ZNF362: variants seen among roughly 807,000 people sequenced by gnomAD.
ZNF362 encodes rotund homolog.
ZNF362 carries 11 observed loss-of-function variants against 42.9 expected under a neutral mutation model. The ratio of observed to expected loss-of-function variants is 0.26; its 90% confidence interval spans 0.16 to 0.42. The LOEUF (loss-of-function observed/expected upper bound fraction) is 0.42. Ranked by LOEUF, ZNF362 falls within the 20% of genes least tolerant of loss-of-function variation. The pLI, the probability that ZNF362 is intolerant of heterozygous loss-of-function variation, is 1.00. For synonymous variants in ZNF362, 255 were observed against 257.3 expected, an observed-to-expected ratio of 0.99 and a Z score of 0.09; for missense variants, 362 against 576.2, an observed-to-expected ratio of 0.63 and a Z score of 3.81.
chr1:33,172,342 GGT>G, the ZNF362 span, among the ~76,000 whole-genome samples: 4 of 152,170 alleles, frequency 2.6e-5, no homozygotes, highest in Admixed American at 2.6e-4. Context: ...GGGCATTGCA[GGT>G]GGGGAGAACA....
chr1:33,259,796 GTC>G (rs1160820617), intron 1 of ZNF362, among the ~76,000 whole-genome samples: 1 of 152,218 alleles, frequency 6.6e-6, no homozygotes, highest in African/African-American at 2.4e-5. Context: ...CCCAGGGGAG[GTC>G]TCTCAGAGAA....
the ZNF362 span, among the ~76,000 whole-genome samples, chr1:33,168,117 G>A: frequency 3.9e-5 from 6 of 152,312 alleles, no homozygotes; most frequent in South Asian, 8.3e-4. Context: ...CTTCTCTGAG[G>A]AGGTGACAGC....
At chr1:33,175,610 G>A in the ZNF362 span, among the ~76,000 whole-genome samples, 1 of 152,146 alleles carries the variant, frequency 6.6e-6, no homozygotes. Flanking sequence ...TTGGGAAGGA[G>A]GGTGAATTCT....
intron 2 of ZNF362, among the ~76,000 whole-genome samples, chr1:33,272,424 T>C (rs1201159386): frequency 6.6e-6 from 1 of 152,160 alleles, no homozygotes; most frequent in Non-Finnish European, 1.5e-5. Flanking sequence ...GATTGATAGA[T>C]GGGCCAGCTG....
At position 33,300,303 on chromosome 1, in the gene ZNF362, G is replaced by A. The variant is rs1646157924; in HGVS notation, c.*1257G>A. On this transcript the variant is annotated 3_prime_UTR_variant, in exon 9 of 9. Coordinates refer to ENST00000539719, the MANE Select transcript of ZNF362 (RefSeq NM_152493.3). ...GTTTCCTGGGGTTTCTTTGCCCATG[G>A]GGTTCTCTGCCCCCACCCCCGGCCC... 1.3e-5 allele frequency: 2 copies of A among 152,370 alleles called. No homozygotes were observed. Among genetic ancestry groups the A allele is most frequent in the Admixed American group, 1.3e-4 (2 of 15,242 alleles). The allele number at this position is 152,370 out of a possible 1,614,324, so 9.4% of individuals were successfully genotyped here. A position where few individuals can be genotyped will look rare whatever the true frequency, so the allele number is the denominator to read the frequency against.
intron 1 of ZNF362, among the ~76,000 whole-genome samples, chr1:33,256,996 G>A (rs957701116): frequency 3.3e-5 from 5 of 152,230 alleles, no homozygotes; most frequent in Middle Eastern, 6.8e-3. Flanking sequence ...GGTAAACAAT[G>A]ATTCATGGGG....
intron 2 of ZNF362, among the ~76,000 whole-genome samples, chr1:33,275,890 T>G (rs1397262170): frequency 2.7e-5 from 4 of 147,134 alleles, no homozygotes; most frequent in Non-Finnish European, 4.5e-5. Flanking sequence ...TAAGGGGGGG[T>G]GGTGGGGGTG....
Position 33,270,763 on chromosome 1 carries a change from G to T in ZNF362, c.38+151G>T, listed in dbSNP as rs757261875. The T allele has an allele frequency of 6.0e-5, 86 of 1,426,164 alleles. No individual in the cohort carries two copies. In the Admixed American group the frequency reaches 8.7e-4, roughly 14 times the overall value. 88.3% of individuals were successfully genotyped at this position (1,426,164 alleles called of 1,614,324 possible). Reference sequence around the variant, plus strand: ...GGAGGTGTGTGCTTACCCTCCTGTAGCGGCCTCCTGTGTCGTGGTGGCTGT... The same window carrying T: ...GGAGGTGTGTGCTTACCCTCCTGTATCGGCCTCCTGTGTCGTGGTGGCTGT... On this transcript the variant is annotated intron_variant, in intron 2 of 8. Coordinates refer to ENST00000539719, the MANE Select transcript of ZNF362 (RefSeq NM_152493.3).
the ZNF362 span, among the ~76,000 whole-genome samples, chr1:33,170,159 G>A: frequency 6.6e-6 from 1 of 151,944 alleles, no homozygotes; most frequent in Non-Finnish European, 1.5e-5. Context: ...GCAAAACCCC[G>A]TCTCTACTAA....
chr1:33,222,781 G>A, the ZNF362 span, among the ~76,000 whole-genome samples: 3 of 152,068 alleles, frequency 2.0e-5, no homozygotes, highest in African/African-American at 7.2e-5. Context: ...TCTCATAGAG[G>A]CCTTCTTTGA....
chr1:33,161,137 G>C, the ZNF362 span, among the ~76,000 whole-genome samples: 2 of 152,204 alleles, frequency 1.3e-5, no homozygotes, highest in Non-Finnish European at 1.5e-5. The surrounding 1 kb of genome is among the most constrained non-coding windows in gnomAD (Gnocchi z 4.3). Context: ...AAATGAGGGG[G>C]TGTTGTTGTG....
At chr1:33,144,106 T>C in the ZNF362 span, among the ~76,000 whole-genome samples, 3 of 151,352 alleles carry the variant, frequency 2.0e-5, no homozygotes, top group Non-Finnish European at 4.4e-5. Flanking sequence ...ATGCAAACGT[T>C]GATATATGAT....
the ZNF362 span, among the ~76,000 whole-genome samples, chr1:33,219,175 G>T: frequency 6.6e-6 from 1 of 152,132 alleles, no homozygotes; most frequent in Admixed American, 6.5e-5. Context: ...CCTGGCTGGG[G>T]GCTGGGTGTG....
the ZNF362 span, among the ~76,000 whole-genome samples, chr1:33,144,247 C>T: frequency 5.9e-5 from 9 of 151,960 alleles, no homozygotes; most frequent in Admixed American, 5.9e-4. Flanking sequence ...AAGAGATTCT[C>T]CTGCCTCAGC....
the ZNF362 span, among the ~76,000 whole-genome samples, chr1:33,135,916 G>A: frequency 6.6e-6 from 1 of 152,154 alleles, no homozygotes; most frequent in African/African-American, 2.4e-5. Context: ...GCACAGTGAG[G>A]GGTCCCCAGG....
At chr1:33,200,133 T>C in the ZNF362 span, 1 of 152,238 alleles carries the variant, frequency 6.6e-6, no homozygotes, top group African/African-American at 2.4e-5. Context: ...ATAAGGGTCA[T>C]ATTCTGTTTG....
chr1:33,137,245 C>T, the ZNF362 span, among the ~76,000 whole-genome samples: 1 of 152,288 alleles, frequency 6.6e-6, no homozygotes, highest in Admixed American at 6.5e-5. Context: ...GGGAGTCACA[C>T]AGCCCTGGGT....
At chr1:33,289,174 C>CA (rs1369848860) in intron 6 of ZNF362, among the ~76,000 whole-genome samples, 4 of 152,100 alleles carry the variant, frequency 2.6e-5, no homozygotes, top group African/African-American at 9.7e-5. Context: ...CCTCCCCAGT[C>CA]AGAGGAAGAA....
the ZNF362 span, chr1:33,181,155 C>T: frequency 6.3e-7 from 1 of 1,599,250 alleles, no homozygotes; most frequent in Admixed American, 1.7e-5. This position sits in a 1 kb window ranked among gnomAD's most constrained non-coding sequence, Gnocchi z 6.5. Context: ...GTGCGCCTGG[C>T]AGGGTCGCGC....
Sources: gnomAD v4.1 joint callset for allele counts (sites outside exome capture counted in the v4.1 genomes callset) on GRCh38, gnomAD v4.1.1 for gene constraint, Gnocchi (gnomAD v3.1) non-coding constraint, MANE v1.5 for transcripts, NCBI Gene and HGNC (gene_info 2026-07-23, HGNC 2026-07-21) for gene names.